LARP1: variants seen among roughly 807,000 people sequenced by gnomAD.
LARP1 encodes La ribonucleoprotein 1, translational regulator, also known as la-related protein 1.
Under a neutral mutation model 122.7 loss-of-function variants are expected in LARP1, and 36 were observed. The observed-to-expected ratio is 0.29, with a 90% CI of 0.22 to 0.39. The LOEUF is 0.39. Among genes scored for constraint, LARP1 ranks in the 10% least tolerant of loss-of-function variants. LARP1 has a pLI of 1.00. For synonymous variants in LARP1, 539 were observed against 528.7 expected (o/e 1.02, Z -0.27); for missense variants, 1,040 against 1,403.6 (o/e 0.74, Z 4.14).
chr5:154,714,518 A>G (rs1755386022), intron 1 of LARP1, among the ~76,000 whole-genome samples: 1 of 152,194 alleles, frequency 6.6e-6, no homozygotes, highest in Admixed American at 6.5e-5. Context: ...GGATAATACA[A>G]TGGTTAGAAC....
In LARP1 at chr5:154,800,654, G is replaced by T. The variant is rs1452124351; in HGVS notation, c.1716+612G>T. Among the ~76,000 whole-genome samples, 4 of 152,158 alleles carry T rather than the reference G, an allele frequency of 2.6e-5. No individual in the cohort carries two copies. The South Asian group carries it at 6.2e-4, about 24-fold the overall frequency. The stretch of plus-strand genomic sequence containing the variant: ...TGAAGTTCACTGTTAAAGAAGTATT[G>T]CAATCTCTAACTAAAATTACTACTT... On this transcript the variant is annotated intron_variant, in intron 10 of 18. Coordinates refer to ENST00000518297, the MANE Select transcript of LARP1 (RefSeq NM_033551.3).
At chr5:154,767,807 T>C (rs2113640472) in intron 1 of LARP1, among the ~76,000 whole-genome samples, 1 of 152,224 alleles carries the variant, frequency 6.6e-6, no homozygotes. Context: ...TGGAATAGCC[T>C]AGTTTTGGAG....
At chr5:154,763,371 C>T (rs1754637322) in intron 1 of LARP1, among the ~76,000 whole-genome samples, 1 of 152,010 alleles carries the variant, frequency 6.6e-6, no homozygotes, top group Non-Finnish European at 1.5e-5. Flanking sequence ...CCAGCAGATG[C>T]TCTTTTTATT....
At chr5:154,735,688 C>A (rs1756849123) in intron 1 of LARP1, among the ~76,000 whole-genome samples, 1 of 151,636 alleles carries the variant, frequency 6.6e-6, no homozygotes, top group Non-Finnish European at 1.5e-5. Flanking sequence ...CCTGCCTCAG[C>A]CTCCTGAGTA....
intron 1 of LARP1, among the ~76,000 whole-genome samples, chr5:154,697,616 C>T (rs553254967): frequency 2.0e-5 from 3 of 152,188 alleles, no homozygotes; most frequent in African/African-American, 4.8e-5. Flanking sequence ...GCTATAACGT[C>T]GATGAACCTT....
At chr5:154,721,157 A>G (rs1455646889) in intron 1 of LARP1, among the ~76,000 whole-genome samples, 2 of 152,062 alleles carry the variant, frequency 1.3e-5, no homozygotes, top group South Asian at 2.1e-4. Context: ...TGCCTGGGCA[A>G]CATAGTGCAA....
At chr5:154,704,880 G>A (rs1211384793) in intron 1 of LARP1, among the ~76,000 whole-genome samples, 2 of 152,080 alleles carry the variant, frequency 1.3e-5, no homozygotes. Flanking sequence ...CTCTTTGAGA[G>A]GCTGAGGCTG....
At chr5:154,767,953 T>G (rs1755087689) in intron 1 of LARP1, among the ~76,000 whole-genome samples, 1 of 152,180 alleles carries the variant, frequency 6.6e-6, no homozygotes, top group Admixed American at 6.5e-5. Context: ...GCATGCATCC[T>G]TCTATGAAGA....
intron 1 of LARP1, among the ~76,000 whole-genome samples, chr5:154,764,211 G>A (rs937125562): frequency 2.0e-5 from 3 of 151,726 alleles, no homozygotes; most frequent in Non-Finnish European, 4.4e-5. Context: ...TCGGGAGGCT[G>A]AGGCAGGAGA....
intron 1 of LARP1, among the ~76,000 whole-genome samples, chr5:154,724,790 C>G (rs1345400718): frequency 2.0e-5 from 3 of 151,916 alleles, no homozygotes; most frequent in Non-Finnish European, 4.4e-5. Context: ...CCTCAGCCTG[C>G]CAAGTAGCTG....
chr5:154,791,285 C>T (rs975338865), intron 3 of LARP1, among the ~76,000 whole-genome samples: 5 of 152,040 alleles, frequency 3.3e-5, no homozygotes, highest in African/African-American at 9.7e-5. Context: ...GTAATCTCAG[C>T]TTACTGCAAC....
chr5:154,743,597 C>T (rs1753025335), intron 1 of LARP1, among the ~76,000 whole-genome samples: 1 of 150,764 alleles, frequency 6.6e-6, no homozygotes, highest in African/African-American at 2.4e-5. Flanking sequence ...GAGTGAGCCA[C>T]TGCTTCTGGC....
At chr5:154,736,376 A>G (rs1045895715) in intron 1 of LARP1, among the ~76,000 whole-genome samples, 1 of 149,430 alleles carries the variant, frequency 6.7e-6, no homozygotes, top group Admixed American at 6.7e-5. Context: ...GATTACAGGC[A>G]TGAGCCACTG....
chr5:154,782,024 A>T (rs1016883762), intron 1 of LARP1, among the ~76,000 whole-genome samples: 1 of 152,190 alleles, frequency 6.6e-6, no homozygotes, highest in Admixed American at 6.5e-5. Context: ...TACATTGGGC[A>T]GTCAGGAAGC....
intron 3 of LARP1, among the ~76,000 whole-genome samples, chr5:154,791,296 C>T (rs920842522): frequency 2.0e-5 from 3 of 152,048 alleles, no homozygotes; most frequent in Non-Finnish European, 2.9e-5. Context: ...TTACTGCAAC[C>T]TCCACCTCCC....
intron 1 of LARP1, among the ~76,000 whole-genome samples, chr5:154,717,068 A>G (rs1375442029): frequency 1.3e-5 from 2 of 152,124 alleles, no homozygotes; most frequent in South Asian, 2.1e-4. Flanking sequence ...TCCAAAAAAA[A>G]AAAAAGAAAA....
At chr5:154,684,284 A>G (rs1753822801) in intron 1 of LARP1, among the ~76,000 whole-genome samples, 1 of 152,136 alleles carries the variant, frequency 6.6e-6, no homozygotes, top group African/African-American at 2.4e-5. Flanking sequence ...ATCTCTACAA[A>G]AAAATTAAAA....
chr5:154,810,638 C>T (rs1053190994), intron 16 of LARP1, among the ~76,000 whole-genome samples: 2 of 151,952 alleles, frequency 1.3e-5, no homozygotes, highest in Non-Finnish European at 2.9e-5. Context: ...CAGGCACCCA[C>T]CACCACACCT....
rs1246049849 is a variant in LARP1, at chr5:154,756,256, C to T, written c.436+63C>T. The stretch of plus-strand genomic sequence containing the variant: ...TCTTCCGGGGACATGGGAGTCCCCT[C>T]CCCCAGCACCTCCAGGGCCCCGGGG... On this transcript the variant is annotated intron_variant, in intron 1 of 18. Transcript: ENST00000518297. 60 of 1,112,714 alleles carry T rather than the reference C, an allele frequency of 5.4e-5. 1 individual carries two copies. The South Asian group carries it at 8.3e-4, about 15-fold the overall frequency. The allele number at this position is 1,112,714 out of a possible 1,614,324, so 68.9% of individuals were successfully genotyped here.
Sources: allele counts gnomAD v4.1 joint callset (sites outside exome capture counted in the v4.1 genomes callset), GRCh38; gene constraint gnomAD v4.1.1; transcripts MANE v1.5; gene names NCBI Gene and HGNC (gene_info 2026-07-23, HGNC 2026-07-21).